ATG14: variants seen among roughly 807,000 people sequenced by gnomAD.
The protein encoded by ATG14 is beclin 1-associated autophagy-related key regulator.
A neutral mutation model predicts 60.4 loss-of-function variants in ATG14; 35 were observed. The observed-to-expected ratio is 0.58, with a 90% CI of 0.44 to 0.77. The LOEUF (loss-of-function observed/expected upper bound fraction) is 0.77, where lower values mean the gene tolerates loss of function less well. Ranked by LOEUF, ATG14 falls within the 30% of genes least tolerant of loss-of-function variation. The pLI is 0.00. For synonymous variants in ATG14, 234 were observed against 228.8 expected (o/e 1.02, Z -0.21); for missense variants, 647 against 626.3 (o/e 1.03, Z -0.35).
chr14:55,375,209 T>C (rs2140122589), intron 9 of ATG14, among the ~76,000 whole-genome samples: 1 of 152,366 alleles, frequency 6.6e-6, no homozygotes, highest in South Asian at 2.1e-4. Flanking sequence ...ATATATTTTA[T>C]TAAGATCACT....
chr14:55,411,070 G>A (rs776307724), intron 1 of ATG14, among the ~76,000 whole-genome samples: 31 of 152,234 alleles, frequency 2.0e-4, no homozygotes, highest in South Asian at 6.2e-4. Flanking sequence ...AGGCAGGGAG[G>A]GGAAAGGGGC....
At chr14:55,382,253 A>G in intron 5 of ATG14, 62 bp from the exon 6 acceptor site, 1 of 1,465,374 alleles carries the variant, frequency 6.8e-7, no homozygotes, top group Non-Finnish European at 9.5e-7. Flanking sequence ...CATGCAATAT[A>G]ACTGCAAGAC....
rs1274628275 is a variant in ATG14 at position 55,391,174 on chromosome 14, A to G, written c.328-182T>C. On this transcript the variant is annotated intron_variant, in intron 3 of 9. Transcript: ENST00000247178. ...AAGAGAACGATGTTTTTCTAGTTCA[A>G]TGCAGAGAAAAGAGAAATTAGGCCA... The G allele has an allele frequency of 8.0e-6, 4 of 497,996 alleles. No homozygotes were observed. The East Asian group carries it at 1.6e-4, about 20-fold the overall frequency. 30.8% of individuals were successfully genotyped at this position (497,996 alleles called of 1,614,324 possible). A position where few individuals can be genotyped will look rare whatever the true frequency, so the allele number is the denominator to read the frequency against.
chr14:55,395,128 T>C, intron 3 of ATG14: 1 of 480,314 alleles, frequency 2.1e-6, no homozygotes, highest in Admixed American at 2.3e-5. Context: ...TTTCTCAGCT[T>C]CGTTTCCACT....
chr14:55,406,772 G>A (rs1013572775), intron 1 of ATG14, among the ~76,000 whole-genome samples: 1 of 152,150 alleles, frequency 6.6e-6, no homozygotes, highest in Non-Finnish European at 1.5e-5. Flanking sequence ...TGGAGAGTTA[G>A]GTGAAGCTGA....
intron 4 of ATG14, 136 bp from the exon 5 acceptor site, chr14:55,386,232 T>C: frequency 1.4e-6 from 1 of 705,286 alleles, no homozygotes; most frequent in East Asian, 2.6e-5. Flanking sequence ...TAATGTTCAC[T>C]AAGTGGAAAA....
intron 4 of ATG14, among the ~76,000 whole-genome samples, chr14:55,387,217 C>T (rs1425135432): frequency 6.6e-6 from 1 of 152,178 alleles, no homozygotes; most frequent in Admixed American, 6.5e-5. Context: ...GCCTCAAGGC[C>T]TCCTCCAAAT....
In ATG14 at chr14:55,366,953, T is replaced by C. The variant is rs944919921; in HGVS notation, c.*2666A>G. ...GTGCAAAATAATGAAACCCAAAATA[T>C]TTCAGCAGTGTAAGCCAGTATGTTG... On this transcript the variant is annotated 3_prime_UTR_variant, in exon 10 of 10. Coordinates refer to ENST00000247178, the MANE Select transcript of ATG14 (RefSeq NM_014924.5). The C allele has an allele frequency of 3.3e-5, 5 of 152,632 alleles. No homozygotes were observed. The highest frequency in any genetic ancestry group is 2.6e-4 in the Admixed American group (4 of 15,266). 9.5% of individuals were successfully genotyped at this position (152,632 alleles called of 1,614,324 possible). A position where few individuals can be genotyped will look rare whatever the true frequency, so the allele number is the denominator to read the frequency against.
At chr14:55,407,493 G>C (rs1885509852) in intron 1 of ATG14, among the ~76,000 whole-genome samples, 1 of 151,970 alleles carries the variant, frequency 6.6e-6, no homozygotes. Flanking sequence ...TCGCTCTCCT[G>C]GCCTCAAGTG....
chr14:55,381,297 A>C (rs1885029344), intron 6 of ATG14, among the ~76,000 whole-genome samples: 1 of 152,180 alleles, frequency 6.6e-6, no homozygotes. Context: ...ATCTTTCTCC[A>C]CCAAAGAGAA....
rs370298917 is a variant in ATG14 at position 55,408,998 on chromosome 14, C to CTTAT, written c.221+2600_221+2603dup. On this transcript the variant is annotated intron_variant, in intron 1 of 9. Transcript: ENST00000247178. Reference sequence around the variant, plus strand: ...GGTTTAAGCAAAACAGTGACATTATCTTATTTACATTTCTATTGTGGCTGC... The same window carrying CTTAT: ...GGTTTAAGCAAAACAGTGACATTATCTTATTTATTTACATTTCTATTGTGGCTGC... Among the ~76,000 whole-genome samples, 22 of 152,266 alleles carry CTTAT rather than the reference C, an allele frequency of 1.4e-4. 1 individual carries two copies. Among genetic ancestry groups the CTTAT allele is most frequent in the African/African-American group, 5.1e-4 (21 of 41,552 alleles).
At chr14:55,403,002 C>T (rs533146311) in intron 1 of ATG14, among the ~76,000 whole-genome samples, 4 of 118,632 alleles carry the variant, frequency 3.4e-5, no homozygotes, top group Admixed American at 9.8e-5. Context: ...TGGCTACAGT[C>T]CTAACTTCTC....
intron 1 of ATG14, among the ~76,000 whole-genome samples, chr14:55,410,198 A>AT (rs1885549889): frequency 6.6e-6 from 1 of 152,216 alleles, no homozygotes; most frequent in South Asian, 2.1e-4. Flanking sequence ...TAAAATGAAG[A>AT]TATCTATTAC....
intron 3 of ATG14, among the ~76,000 whole-genome samples, chr14:55,391,592 T>C (rs1566582345): frequency 6.6e-6 from 1 of 152,112 alleles, no homozygotes; most frequent in Non-Finnish European, 1.5e-5. Context: ...TCTAGCTATA[T>C]AGCTACTAGC....
chr14:55,393,004 G>C (rs1885245250), intron 3 of ATG14, among the ~76,000 whole-genome samples: 1 of 152,076 alleles, frequency 6.6e-6, no homozygotes, highest in Admixed American at 6.5e-5. Context: ...AGAAAACTCA[G>C]GAAAATCTTC....
chr14:55,380,383 C>T (rs987096702), intron 7 of ATG14, among the ~76,000 whole-genome samples, 190 bp downstream of exon 7: 1 of 152,136 alleles, frequency 6.6e-6, no homozygotes, highest in African/African-American at 2.4e-5. Flanking sequence ...GAAGACTTCA[C>T]GTACAACTGT....
chr14:55,406,638 A>G (rs760533036), intron 1 of ATG14, among the ~76,000 whole-genome samples: 2 of 152,194 alleles, frequency 1.3e-5, no homozygotes, highest in African/African-American at 2.4e-5. Context: ...ATATCTGGCT[A>G]TTAGAACAAT....
At chr14:55,378,628 T>G (rs902261271) in intron 7 of ATG14, among the ~76,000 whole-genome samples, 1 of 150,496 alleles carries the variant, frequency 6.6e-6, no homozygotes, top group African/African-American at 2.4e-5. Flanking sequence ...CCTCCCTCCC[T>G]CAGTTCCCCT....
intron 1 of ATG14, among the ~76,000 whole-genome samples, chr14:55,400,520 A>T (rs1233214229): frequency 6.6e-6 from 1 of 152,210 alleles, no homozygotes; most frequent in Non-Finnish European, 1.5e-5. Flanking sequence ...TCTTCCTTCC[A>T]AATTTTCACT....
Sources: allele counts gnomAD v4.1 joint callset (sites outside exome capture counted in the v4.1 genomes callset), GRCh38; gene constraint gnomAD v4.1.1; transcripts MANE v1.5; gene names NCBI Gene and HGNC (gene_info 2026-07-23, HGNC 2026-07-21).